Variants in IRAG2 observed in about 807,000 individuals in gnomAD.
IRAG2 encodes the protein lymphoid restricted membrane protein.
IRAG2 carries 45 observed loss-of-function variants against 69.9 expected under a neutral mutation model. That is an observed-to-expected ratio of 0.64 (90% CI 0.51 to 0.83). The LOEUF is 0.83. Among genes scored for constraint, IRAG2 ranks in the 40% least tolerant of loss-of-function variants. The pLI is 0.00. For missense variants in IRAG2, 520 were observed against 587.0 expected (o/e 0.89, Z 1.18); for synonymous variants, 193 against 202.4 (o/e 0.95, Z 0.40).
chr12:25,049,246 T>C (rs1705129510), upstream of IRAG2, among the ~76,000 whole-genome samples: 2 of 152,234 alleles, frequency 1.3e-5, no homozygotes, highest in African/African-American at 4.8e-5. Context: ...TGATTCCATA[T>C]GAATTTTTAA....
At chr12:25,059,108 G>A (rs1278406356) in intron 1 of IRAG2, among the ~76,000 whole-genome samples, 3 of 152,104 alleles carry the variant, frequency 2.0e-5, no homozygotes, top group Admixed American at 6.5e-5. Context: ...TCTGAAACAC[G>A]GCTTCATTGG....
chr12:25,050,499 A>C (rs930868439), upstream of IRAG2, among the ~76,000 whole-genome samples: 1 of 138,278 alleles, frequency 7.2e-6, no homozygotes, highest in African/African-American at 2.5e-5. Context: ...AGTGCACTCC[A>C]GCCTGGAGAC....
intron 10 of IRAG2, among the ~76,000 whole-genome samples, chr12:25,031,463 G>GA (rs1421830726): frequency 2.0e-5 from 3 of 152,174 alleles, no homozygotes; most frequent in East Asian, 1.9e-4. Context: ...CATTAGTACT[G>GA]AAAAAAATCA....
chr12:25,066,192 A>G (rs565594882), intron 4 of IRAG2, among the ~76,000 whole-genome samples, 173 bp from the exon 5 acceptor site: 1 of 152,244 alleles, frequency 6.6e-6, no homozygotes, highest in African/African-American at 2.4e-5. Flanking sequence ...AAAATTAAGC[A>G]TTTGACGTTT....
chr12:25,063,348 G>A (rs924233578), intron 3 of IRAG2, among the ~76,000 whole-genome samples: 5 of 152,092 alleles, frequency 3.3e-5, no homozygotes, highest in South Asian at 4.1e-4. Flanking sequence ...CACCGCACCC[G>A]GCCTGTTTTA....
chr12:25,010,314 A>G (rs1308612822), intron 2 of IRAG2, among the ~76,000 whole-genome samples: 1 of 152,102 alleles, frequency 6.6e-6, no homozygotes, highest in African/African-American at 2.4e-5. Context: ...CCATCTGTAC[A>G]AAAAATACAA....
intron 6 of IRAG2, among the ~76,000 whole-genome samples, chr12:25,072,627 T>G (rs543957510): frequency 6.6e-6 from 1 of 152,360 alleles, no homozygotes; most frequent in South Asian, 2.1e-4. Context: ...ACATAATATA[T>G]GTTTATCATC....
chr12:25,073,535 A>G (rs537587698), intron 6 of IRAG2, among the ~76,000 whole-genome samples: 4 of 152,308 alleles, frequency 2.6e-5, no homozygotes, highest in African/African-American at 9.6e-5. Context: ...GTCTTCTAAT[A>G]TCTTTCCCAG....
At chr12:25,081,152 T>C (rs1947176120) in intron 9 of IRAG2, among the ~76,000 whole-genome samples, 2 of 50,414 alleles carry the variant, frequency 4.0e-5, no homozygotes, top group Admixed American at 4.5e-4. Context: ...GTGAATGTGG[T>C]CTCTCTCTCT....
At chr12:25,066,763 C>T (rs1946007699) in intron 5 of IRAG2, among the ~76,000 whole-genome samples, 1 of 151,544 alleles carries the variant, frequency 6.6e-6, no homozygotes, top group African/African-American at 2.4e-5. Context: ...AATTCTCATG[C>T]CTCAGCCTTC....
rs115551665 is a variant in IRAG2 at position 25,031,057 on chromosome 12, G to A, written c.1518+723G>A. On this transcript the variant is annotated intron_variant, in intron 10 of 38. Transcript: ENST00000636465. ...CGGTAACTTTAAGAGACACAGGAAG[G>A]AACACAGCCTCAGTCAATAATCTTC... 2,536 of 985,324 alleles carry A rather than the reference G, an allele frequency of 2.6e-3. 44 individuals are homozygous for A. The African/African-American group carries it at 0.042, about 16-fold the overall frequency. 61.0% of individuals were successfully genotyped at this position (985,324 alleles called of 1,614,324 possible).
chr12:25,056,973 G>T (rs549498964), intron 1 of IRAG2, among the ~76,000 whole-genome samples: 22 of 152,278 alleles, frequency 1.4e-4, no homozygotes, highest in Non-Finnish European at 2.6e-4. Flanking sequence ...CCTGGTCTGT[G>T]TCCAATCATA....
upstream of IRAG2, among the ~76,000 whole-genome samples, chr12:25,051,823 C>A (rs549313256): frequency 1.3e-5 from 2 of 152,160 alleles, no homozygotes; most frequent in Admixed American, 1.3e-4. Context: ...TTCCCTCCCC[C>A]TACCTTTACC....
chr12:25,092,796 C>G (rs2140185384), intron 14 of IRAG2: 1 of 157,050 alleles, frequency 6.4e-6, no homozygotes, highest in Middle Eastern at 2.8e-3. Flanking sequence ...TTGGTTCTTT[C>G]TCCTGAACAT....
intron 4 of IRAG2, among the ~76,000 whole-genome samples, chr12:25,066,127 G>A (rs531163063): frequency 6.6e-6 from 1 of 151,602 alleles, no homozygotes; most frequent in Non-Finnish European, 1.5e-5. Context: ...ATTATTATTA[G>A]AACTAAAATT....
intron 10 of IRAG2, among the ~76,000 whole-genome samples, chr12:25,086,446 G>A (rs75467946): frequency 0.031 from 4,664 of 152,276 alleles, 231 homozygotes; most frequent in African/African-American, 0.11. Flanking sequence ...TAGTCGGTAA[G>A]GAGATTTTAT....
At chr12:25,019,369 T>C (rs1944557826) in intron 6 of IRAG2, among the ~76,000 whole-genome samples, 1 of 152,104 alleles carries the variant, frequency 6.6e-6, no homozygotes, top group Non-Finnish European at 1.5e-5. Context: ...GGATGGTGAA[T>C]GTGGAGATTG....
chr12:25,076,978 C>A (rs1286131992), intron 6 of IRAG2, among the ~76,000 whole-genome samples: 1 of 150,728 alleles, frequency 6.6e-6, no homozygotes, highest in African/African-American at 2.4e-5. Context: ...TGGGCTCAAG[C>A]AATCCTCCCA....
At chr12:25,045,219 T>C (rs149256242) in intron 16 of IRAG2, among the ~76,000 whole-genome samples, 3 of 152,058 alleles carry the variant, frequency 2.0e-5, no homozygotes, top group African/African-American at 7.2e-5. Context: ...CAAAAGCACA[T>C]ACCAAAATCT....
Sources: allele counts gnomAD v4.1 joint callset (sites outside exome capture counted in the v4.1 genomes callset), GRCh38; gene constraint gnomAD v4.1.1; transcripts MANE v1.5; gene names NCBI Gene and HGNC (gene_info 2026-07-23, HGNC 2026-07-21).